Variants in HDAC4 observed in about 807,000 individuals in gnomAD.
HDAC4 encodes the protein histone deacetylase A.
Under a neutral mutation model 135.1 loss-of-function variants are expected in HDAC4, and 16 were observed. The ratio of observed to expected loss-of-function variants is 0.12; its 90% confidence interval spans 0.08 to 0.18. The LOEUF is 0.18. HDAC4 is among the 10% of genes least tolerant of loss of function. HDAC4 has a pLI of 1.00. For missense variants in HDAC4, 1,143 were observed against 1,511.8 expected, an observed-to-expected ratio of 0.76 and a Z score of 4.05; for synonymous variants, 685 against 653.4, an observed-to-expected ratio of 1.05 and a Z score of -0.74.
chr2:239,112,151 G>A (rs2038732060), intron 13 of HDAC4, among the ~76,000 whole-genome samples: 1 of 152,192 alleles, frequency 6.6e-6, no homozygotes, highest in African/African-American at 2.4e-5. Context: ...AGCTCTTGCT[G>A]GGGCGGCAGC....
At chr2:239,152,645 A>G (rs1431907797) in intron 7 of HDAC4, among the ~76,000 whole-genome samples, 5 of 152,214 alleles carry the variant, frequency 3.3e-5, no homozygotes, top group African/African-American at 4.8e-5. Context: ...TGAAAAGCCA[A>G]CAGAGCAAGA....
rs1170641188 is a variant in HDAC4, at chr2:239,146,082, A to C, written c.734-1368T>G. Among the ~76,000 whole-genome samples, 1 of 152,180 alleles carries C rather than the reference A, an allele frequency of 6.6e-6. No individual in the cohort carries two copies. Among genetic ancestry groups the C allele is most frequent in the Non-Finnish European group, 1.5e-5 (1 of 68,038 alleles). ...GCACGGGGGACCTGGATGACGACAG[A>C]TGACGGATTCAGCCACAAGCCGGCC... On this transcript the variant is annotated intron_variant, in intron 7 of 26. Transcript: ENST00000543185. This position sits in a 1 kb window ranked among gnomAD's most constrained non-coding sequence, Gnocchi z 4.5.
intron 7 of HDAC4, among the ~76,000 whole-genome samples, chr2:239,147,189 T>C (rs933721466): frequency 3.3e-5 from 5 of 152,278 alleles, no homozygotes; most frequent in African/African-American, 1.2e-4. Context: ...CCGGGGCACA[T>C]GAAGTGGCCT....
chr2:239,102,536 G>A, intron 16 of HDAC4: 1 of 529,548 alleles, frequency 1.9e-6, no homozygotes, highest in South Asian at 2.1e-5. Context: ...TCTGATTCAA[G>A]ATGCTTCTAA....
intron 7 of HDAC4, 121 bp from the exon 8 acceptor site, chr2:239,144,835 T>TGA: frequency 2.0e-6 from 2 of 982,598 alleles, no homozygotes; most frequent in Non-Finnish European, 3.2e-6. Context: ...ACTGCTGTGT[T>TGA]GCTGCAGGGG....
chr2:239,340,311 C>A (rs1476069575), intron 2 of HDAC4, among the ~76,000 whole-genome samples: 1 of 152,050 alleles, frequency 6.6e-6, no homozygotes, highest in Non-Finnish European at 1.5e-5. Flanking sequence ...TGAGGACTGG[C>A]GAAGAACAAA....
At chr2:239,364,107 G>C (rs1318083891) in intron 1 of HDAC4, among the ~76,000 whole-genome samples, 13 of 152,178 alleles carry the variant, frequency 8.5e-5, no homozygotes. Flanking sequence ...CACACACGAG[G>C]TTACAAAACA....
intron 2 of HDAC4, among the ~76,000 whole-genome samples, chr2:239,252,601 C>A (rs1377098016): frequency 6.6e-6 from 1 of 152,050 alleles, no homozygotes. Flanking sequence ...TCTCATGTCC[C>A]ACGGAAGTTC....
intron 2 of HDAC4, among the ~76,000 whole-genome samples, chr2:239,264,919 A>G (rs1454396025): frequency 6.6e-6 from 1 of 152,092 alleles, no homozygotes; most frequent in Non-Finnish European, 1.5e-5. Context: ...TCTTTTTTCC[A>G]TGAGCTGGAA....
At chr2:239,108,857 G>A (rs1453518283) in intron 14 of HDAC4, among the ~76,000 whole-genome samples, 2 of 152,362 alleles carry the variant, frequency 1.3e-5, no homozygotes, top group East Asian at 3.9e-4. Flanking sequence ...GGGCCCCCAG[G>A]GTGCGGCAGC....
At chr2:239,317,761 C>A (rs988983959) in intron 2 of HDAC4, among the ~76,000 whole-genome samples, 1 of 152,108 alleles carries the variant, frequency 6.6e-6, no homozygotes, top group East Asian at 1.9e-4. Context: ...TCTTGGAAAC[C>A]GCAACTTTAA....
At chr2:239,351,830 TTC>T (rs1273340460) in intron 2 of HDAC4, 5 of 154,396 alleles carry the variant, frequency 3.2e-5, no homozygotes, top group East Asian at 1.9e-4. Context: ...GGCCACCGTC[TTC>T]TCTCTCATGT....
At chr2:239,250,887 C>T (rs1459253318) in intron 2 of HDAC4, among the ~76,000 whole-genome samples, 1 of 152,208 alleles carries the variant, frequency 6.6e-6, no homozygotes. Context: ...TTTCCCTCAC[C>T]CTTGGCGGGA....
At chr2:239,084,782 A>G (rs1057429565) in intron 19 of HDAC4, among the ~76,000 whole-genome samples, 6 of 147,756 alleles carry the variant, frequency 4.1e-5, no homozygotes, top group Non-Finnish European at 7.5e-5. Context: ...CACTCCACAC[A>G]GACACACACC....
At chr2:239,334,080 T>C (rs1034030555) in intron 2 of HDAC4, among the ~76,000 whole-genome samples, 4 of 152,028 alleles carry the variant, frequency 2.6e-5, no homozygotes. Flanking sequence ...AAAGAATATA[T>C]AGATAATGAG....
At chr2:239,205,026 C>T (rs534734872) in intron 3 of HDAC4, among the ~76,000 whole-genome samples, 222 of 152,290 alleles carry the variant, frequency 1.5e-3, no homozygotes, top group African/African-American at 5.1e-3. Flanking sequence ...GTCCCCGAGC[C>T]GCCTCTGTCC....
chr2:239,347,609 G>A (rs1434011609), intron 2 of HDAC4, among the ~76,000 whole-genome samples: 1 of 152,128 alleles, frequency 6.6e-6, no homozygotes, highest in African/African-American at 2.4e-5. Flanking sequence ...TCACCTCCCG[G>A]ATTCAAGCGA....
Position 239,144,488 on chromosome 2 carries a change from C to T in HDAC4, c.865+95G>A, listed in dbSNP as rs184413035. 4.2e-5 allele frequency: 63 copies of T among 1,502,264 alleles called. No homozygotes were observed. The East Asian group carries it at 1.2e-3, about 29-fold the overall frequency. The allele number at this position is 1,502,264 out of a possible 1,614,324, so 93.1% of individuals were successfully genotyped here. On this transcript the variant is annotated intron_variant, in intron 8 of 26. Coordinates refer to ENST00000543185, the MANE Select transcript of HDAC4 (RefSeq NM_001378414.1). Reference sequence around the variant, plus strand: ...GGGGGTTGACAGCGTGAGGCAGACACGTGGGTTTTCAGAAGCTCCTGAGAG... The same window carrying T: ...GGGGGTTGACAGCGTGAGGCAGACATGTGGGTTTTCAGAAGCTCCTGAGAG...
chr2:239,384,045 G>A (rs550443619), intron 1 of HDAC4, among the ~76,000 whole-genome samples: 1 of 152,298 alleles, frequency 6.6e-6, no homozygotes, highest in South Asian at 2.1e-4. Context: ...GGGAAGCCAC[G>A]AACAGCCCGG....
Sources: gnomAD v4.1 joint callset for allele counts (sites outside exome capture counted in the v4.1 genomes callset) on GRCh38, gnomAD v4.1.1 for gene constraint, Gnocchi (gnomAD v3.1) non-coding constraint, MANE v1.5 for transcripts, NCBI Gene and HGNC (gene_info 2026-07-23, HGNC 2026-07-21) for gene names.